TEF: variants seen among roughly 807,000 people sequenced by gnomAD.
The protein encoded by TEF is thyrotroph embryonic factor.
Under a neutral mutation model 20.8 loss-of-function variants are expected in TEF, and 3 were observed. The ratio of observed to expected loss-of-function variants is 0.14; its 90% CI spans 0.07 to 0.37. The LOEUF is 0.37. TEF is among the 10% of genes least tolerant of loss of function. The probability of loss-of-function intolerance (pLI) is 1.00; values close to 1 mark genes in which losing one functional copy is unlikely to be tolerated. For missense variants in TEF, 296 were observed against 397.9 expected, an observed-to-expected ratio of 0.74 and a Z score of 2.18; for synonymous variants, 180 against 171.1, an observed-to-expected ratio of 1.05 and a Z score of -0.41.
At position 41,367,601 on chromosome 22, in the gene TEF, T is replaced by C; in HGVS notation, c.67+2T>C. On this transcript the variant is annotated splice_donor_variant, in intron 1 of 3. Coordinates refer to the TEF transcript ENST00000406644. LOFTEE classifies it high-confidence loss of function. ...TGCCTTGGCCAGAGAAGAGAACAGG[T>C]AGGAGCACAGGTGACCTGCATTGAT... The C allele has an allele frequency of 6.4e-7, 1 of 1,551,108 alleles. No individual in the cohort carries two copies.
Position 41,382,172 on chromosome 22 carries a change from T to C in TEF, c.128T>C (p.Met43Thr). 8.5e-7 allele frequency: 1 copy of C among 1,181,118 alleles called. No homozygotes were observed. 73.2% of individuals were successfully genotyped at this position (1,181,118 alleles called of 1,614,324 possible). The change falls in exon 1 of 4, where the codon ATG becomes ACG. Residue 43 changes from methionine to threonine, a missense_variant. Met to Thr is a moderately conservative substitution (Grantham distance 81, BLOSUM62 -1). Coordinates refer to ENST00000266304, the MANE Select transcript of TEF (RefSeq NM_003216.4). ...GSFPLVLKKL[M>T]ENPPREARLD... ...TTCCCCCTGGTCCTGAAGAAGCTGA[T>C]GGAGAACCCCCCGCGCGAGGCGCGC... is the stretch of plus-strand genomic sequence containing the variant.
At chr22:41,378,363 TGAG>T (rs2036973468), upstream of TEF, among the ~76,000 whole-genome samples, 1 of 93,162 alleles carries the variant, frequency 1.1e-5, no homozygotes, top group African/African-American at 3.8e-5. Context: ...TTTTTTTTTT[TGAG>T]AGGGAGTCTC....
At position 41,382,231 on chromosome 22, in the gene TEF, T is replaced by TG. The variant is rs914195504; in HGVS notation, c.157+35dup. The stretch of plus-strand genomic sequence containing the variant: ...GGGCGGGGGGGTGGTCCGCGCGGGC[T>TG]GGGGGCGGGGCTTATACAGGGGCGG... On this transcript the variant is annotated intron_variant, in intron 1 of 3. Transcript: ENST00000266304. 17 of 234,348 alleles carry TG rather than the reference T, an allele frequency of 7.3e-5. No homozygotes were observed. In the African/African-American group the frequency reaches 1.6e-3, roughly 22 times the overall value. 14.5% of individuals were successfully genotyped at this position (234,348 alleles called of 1,614,324 possible). A position where few individuals can be genotyped will look rare whatever the true frequency, so the allele number is the denominator to read the frequency against.
chr22:41,379,383 T>G (rs534091119), upstream of TEF, among the ~76,000 whole-genome samples: 28 of 151,974 alleles, frequency 1.8e-4, no homozygotes, highest in East Asian at 4.5e-3. Context: ...GGTGCACGCC[T>G]GCAATCCCAG....
intron 1 of TEF, among the ~76,000 whole-genome samples, chr22:41,382,488 C>G (rs2037045884): frequency 1.3e-5 from 2 of 152,042 alleles, no homozygotes; most frequent in Admixed American, 1.3e-4. Context: ...GCCCCTCCCC[C>G]GGGGCCACCT....
At position 41,383,134 on chromosome 22, in the gene TEF, A is replaced by G. The variant is rs2037056462; in HGVS notation, c.157+933A>G. 1.6e-5 allele frequency: 7 copies of G among 442,544 alleles called. 1 individual carries two copies. Among genetic ancestry groups the G allele is most frequent in the Admixed American group, 1.2e-4 (5 of 40,232 alleles). The allele number at this position is 442,544 out of a possible 1,614,324, so 27.4% of individuals were successfully genotyped here. On this transcript the variant is annotated intron_variant, in intron 1 of 3. Transcript: ENST00000266304. ...GCCATCAGTTATTCAGGGTTTGGGA[A>G]AGGGATAGGCCTTCGAGAGTTGTCT...
rs1392860008 is a variant in TEF, at chr22:41,395,852, G to A, written c.804G>A (p.Leu268=). Residue 268 remains leucine, a synonymous_variant, in exon 4 of 4, where the codon CTG becomes CTA. Transcript: ENST00000266304. ...AGATCACCATCCGGGCAGCCTTCCT[G>A]GAGAAGGAGAACACAGCCCTGCGGA... is the stretch of plus-strand genomic sequence containing the variant. The part of the protein sequence containing the change: ...ENQITIRAAF[L]EKENTALRTE... 6.2e-7 allele frequency: 1 copy of A among 1,614,106 alleles called. No homozygotes were observed. Among genetic ancestry groups the A allele is most frequent in the East Asian group, 2.2e-5 (1 of 44,898 alleles).
chr22:41,398,120 T>C lies in TEF; in HGVS notation c.*2160T>C, dbSNP rs1348518721. 6.6e-6 allele frequency: 1 copy of C among 151,524 alleles called. No homozygotes were observed. Among genetic ancestry groups the C allele is most frequent in the Admixed American group, 6.6e-5 (1 of 15,214 alleles). The allele number at this position is 151,524 out of a possible 1,614,324, so 9.4% of individuals were successfully genotyped here. ...TGTGGCTGCTGGACTCTTTTCGAAATGCCCCTCTGAGTCAGGAGCCTGGTG... is the reference window on the plus strand; with the variant it reads ...TGTGGCTGCTGGACTCTTTTCGAAACGCCCCTCTGAGTCAGGAGCCTGGTG... On this transcript the variant is annotated 3_prime_UTR_variant, in exon 4 of 4. Coordinates refer to ENST00000266304, the MANE Select transcript of TEF (RefSeq NM_003216.4).
chr22:41,384,447 C>T (rs2037071675), intron 1 of TEF, among the ~76,000 whole-genome samples: 1 of 152,138 alleles, frequency 6.6e-6, no homozygotes, highest in Non-Finnish European at 1.5e-5. Flanking sequence ...TCTTCTTCAA[C>T]TCCACCCCTC....
At chr22:41,372,669 G>T (rs892454530) in intron 1 of TEF, among the ~76,000 whole-genome samples, 1 of 152,124 alleles carries the variant, frequency 6.6e-6, no homozygotes, top group Admixed American at 6.5e-5. Context: ...CAGAGCGTTT[G>T]CTATGCTTGG....
intron 1 of TEF, among the ~76,000 whole-genome samples, chr22:41,370,639 T>G (rs907379360): frequency 2.0e-5 from 3 of 151,896 alleles, no homozygotes; most frequent in Non-Finnish European, 4.4e-5. Flanking sequence ...CTCAAACTCC[T>G]GACCTCCAGT....
intron 1 of TEF, among the ~76,000 whole-genome samples, chr22:41,375,718 T>A (rs1225658402): frequency 3.4e-5 from 5 of 145,022 alleles, no homozygotes; most frequent in Non-Finnish European, 7.5e-5. Flanking sequence ...AGCAAGACTC[T>A]GTCTCAAAAA....
At chr22:41,381,045 G>C (rs997805976), upstream of TEF, among the ~76,000 whole-genome samples, 4 of 152,176 alleles carry the variant, frequency 2.6e-5, no homozygotes, top group African/African-American at 7.2e-5. Flanking sequence ...ACATGTACTC[G>C]GGCCCTGGCT....
At chr22:41,369,833 G>A (rs1452449660) in intron 1 of TEF, 1 of 921,726 alleles carries the variant, frequency 1.1e-6, no homozygotes, top group Non-Finnish European at 1.3e-6. Flanking sequence ...ATGCCCTCAG[G>A]TCCGCGTGCC....
At position 41,394,122 on chromosome 22, in the gene TEF, A is replaced by G. The variant is rs764642920; in HGVS notation, c.502A>G (p.Thr168Ala). The G allele has an allele frequency of 6.2e-7, 1 of 1,613,468 alleles. No homozygotes were observed. The highest frequency in any genetic ancestry group is 8.5e-7 in the Non-Finnish European group (1 of 1,179,914). The change falls in exon 3 of 4, where the codon ACT becomes GCT. Residue 168 changes from threonine (T) to alanine (A), a missense_variant. Around this residue, in one of 2 missense-constraint regions of TEF, gnomAD observed 194 missense variants for 317.8 expected, o/e 0.61. Transcript: ENST00000266304. ...ATCTTCCCTGGAGAAGGAGAGGGAGACTCCCAGTCCCATCGACCCCAATTG... is the reference window on the plus strand; with the variant it reads ...ATCTTCCCTGGAGAAGGAGAGGGAGGCTCCCAGTCCCATCGACCCCAATTG... ...TESSLEKERETPSPIDPNCVE... is the reference protein window; with the variant it reads ...TESSLEKEREAPSPIDPNCVE...
chr22:41,389,012 G>A lies in TEF; in HGVS notation c.475+1344G>A, dbSNP rs535333734. 4.6e-5 allele frequency among the ~76,000 whole-genome samples: 7 copies of A among 151,884 alleles called. No homozygotes were observed. In the South Asian group the frequency reaches 1.5e-3, roughly 32 times the overall value. On this transcript the variant is annotated intron_variant, in intron 2 of 3. Coordinates refer to ENST00000266304, the MANE Select transcript of TEF (RefSeq NM_003216.4). ...TTCAATATGTATCTAAAATATAAGG[G>A]TTCTTTTAAAAAAAACATAACGAAA... is the stretch of plus-strand genomic sequence containing the variant.
chr22:41,377,750 C>T (rs550419513), upstream of TEF, among the ~76,000 whole-genome samples: 1 of 152,320 alleles, frequency 6.6e-6, no homozygotes, highest in South Asian at 2.1e-4. Flanking sequence ...TGTGACACAT[C>T]ATCTACCCTC....
intron 1 of TEF, chr22:41,368,979 A>G (rs1201032205): frequency 1.2e-6 from 1 of 846,520 alleles, no homozygotes; most frequent in Non-Finnish European, 1.4e-6. Context: ...GGGTGGGCAG[A>G]GCTGAACACA....
At chr22:41,376,784 C>T (rs1481136166) in intron 1 of TEF, among the ~76,000 whole-genome samples, 1 of 152,234 alleles carries the variant, frequency 6.6e-6, no homozygotes, top group East Asian at 1.9e-4. Context: ...CAGGCGGGCA[C>T]TTGGCATTGC....
Sources: allele counts gnomAD v4.1 joint callset (sites outside exome capture counted in the v4.1 genomes callset), GRCh38; gene constraint gnomAD v4.1.1; regional missense constraint gnomAD v4.1.1; transcripts MANE v1.5; gene names NCBI Gene and HGNC (gene_info 2026-07-23, HGNC 2026-07-21).